Variants in UNC5B observed in about 807,000 individuals in gnomAD.
UNC5B encodes netrin receptor UNC5B.
In UNC5B, 56 loss-of-function variants were observed where a neutral mutation model predicts 103.7. The ratio of observed to expected loss-of-function variants is 0.54; its 90% CI spans 0.44 to 0.67. The LOEUF is 0.67. Ranked by LOEUF, UNC5B falls within the 30% of genes least tolerant of loss-of-function variation. The pLI is 0.00. For missense variants in UNC5B, 1,194 were observed against 1,284.5 expected (o/e 0.93, Z 1.08); for synonymous variants, 577 against 542.0 (o/e 1.06, Z -0.90).
chr10:71,222,145 T>G (rs1263625424), intron 1 of UNC5B, among the ~76,000 whole-genome samples: 2 of 152,176 alleles, frequency 1.3e-5, no homozygotes, highest in Admixed American at 6.5e-5. Flanking sequence ...GACTGGCCCT[T>G]GAAAGATGAG....
chr10:71,236,872 A>G (rs961409910), intron 1 of UNC5B, among the ~76,000 whole-genome samples: 1 of 152,242 alleles, frequency 6.6e-6, no homozygotes, highest in Non-Finnish European at 1.5e-5. Context: ...AAGGGGACCC[A>G]GAACCTACCC....
At chr10:71,286,103 C>T (rs1845072354) in intron 4 of UNC5B, among the ~76,000 whole-genome samples, 1 of 152,218 alleles carries the variant, frequency 6.6e-6, no homozygotes, top group South Asian at 2.1e-4. Flanking sequence ...GCACTTAGCA[C>T]GCTGGTCTCT....
intron 1 of UNC5B, among the ~76,000 whole-genome samples, chr10:71,250,713 C>G (rs1481409417): frequency 6.6e-6 from 1 of 152,216 alleles, no homozygotes; most frequent in East Asian, 1.9e-4. Context: ...GGGCTAAATT[C>G]TAAAGTATTG....
chr10:71,288,754 GC>G, intron 7 of UNC5B, 22 bp downstream of exon 7: 1 of 1,590,076 alleles, frequency 6.3e-7, no homozygotes, highest in East Asian at 2.3e-5. Flanking sequence ...GGAAGGTGGG[GC>G]CCTGGGGGTG....
At chr10:71,231,056 G>T (rs79416409) in intron 1 of UNC5B, among the ~76,000 whole-genome samples, 5,378 of 152,328 alleles carry the variant, frequency 0.035, 161 homozygotes, top group East Asian at 0.13. Context: ...CTCTCTCTGA[G>T]CCTCAGTTTC....
intron 1 of UNC5B, among the ~76,000 whole-genome samples, chr10:71,229,247 G>C (rs1843633555): frequency 6.6e-6 from 1 of 152,210 alleles, no homozygotes; most frequent in South Asian, 2.1e-4. Context: ...GTGGGTGTTT[G>C]TGGGTGCATG....
chr10:71,295,187 T>A (rs945343642), intron 13 of UNC5B, among the ~76,000 whole-genome samples: 8 of 152,336 alleles, frequency 5.3e-5, no homozygotes, highest in Admixed American at 3.9e-4. Flanking sequence ...AGTGGCCCTG[T>A]GATGGGTGCA....
chr10:71,288,842 CAG>C (rs1845164814), intron 7 of UNC5B, 110 bp downstream of exon 7: 1 of 1,560,332 alleles, frequency 6.4e-7, no homozygotes, highest in African/African-American at 1.4e-5. Context: ...CGGCAGTCCT[CAG>C]GGCCTCTGTC....
chr10:71,242,002 C>T (rs1843912799), intron 1 of UNC5B, among the ~76,000 whole-genome samples: 1 of 152,126 alleles, frequency 6.6e-6, no homozygotes, highest in Non-Finnish European at 1.5e-5. Flanking sequence ...CAGTGAGATG[C>T]CCACACACGA....
chr10:71,270,103 A>G (rs1490585094), intron 1 of UNC5B, among the ~76,000 whole-genome samples: 1 of 152,080 alleles, frequency 6.6e-6, no homozygotes, highest in Non-Finnish European at 1.5e-5. Flanking sequence ...TAATCCCAGC[A>G]CTTTGGGAAG....
At chr10:71,233,674 A>G (rs1843723814) in intron 1 of UNC5B, among the ~76,000 whole-genome samples, 1 of 152,188 alleles carries the variant, frequency 6.6e-6, no homozygotes, top group Non-Finnish European at 1.5e-5. Context: ...ACCCCTACAG[A>G]TGGCAGCTGG....
In UNC5B at chr10:71,213,000, C is replaced by A; in HGVS notation, c.15C>A (p.Ser5Arg). The A allele has an allele frequency of 7.1e-7, 1 of 1,405,780 alleles. No individual in the cohort carries two copies. Among genetic ancestry groups the A allele is most frequent in the Non-Finnish European group, 9.3e-7 (1 of 1,073,994 alleles). 87.1% of individuals were successfully genotyped at this position (1,405,780 alleles called of 1,614,324 possible). The change falls in exon 1 of 17, where the codon AGC (serine) becomes AGA (arginine). Residue 5 changes from serine (S) to arginine (R), a missense_variant. Transcript: ENST00000335350. MGAR[S>R]GARGALLLAL... ...GCCGCGGGAGCATGGGGGCCCGGAG[C>A]GGAGCTCGGGGCGCGCTGCTGCTGG...
chr10:71,255,140 G>A (rs1844261706), intron 1 of UNC5B, among the ~76,000 whole-genome samples: 2 of 152,230 alleles, frequency 1.3e-5, no homozygotes, highest in Middle Eastern at 3.4e-3. Context: ...ATTAATACCC[G>A]AGAAGAACCC....
At position 71,300,029 on chromosome 10, in the gene UNC5B, CTG is replaced by C. The variant is rs10681577; in HGVS notation, c.*784_*785del. The C allele has an allele frequency of 0.13, 19,445 of 146,358 alleles. 1,263 individuals are homozygous for C. Among genetic ancestry groups the C allele is most frequent in the Middle Eastern group, 0.21 (61 of 288 alleles). The allele number at this position is 146,358 out of a possible 1,614,324, so 9.1% of individuals were successfully genotyped here. A position where few individuals can be genotyped will look rare whatever the true frequency, so the allele number is the denominator to read the frequency against. ...CACTTCTGGCCAGGAGTGAATGTGC[CTG>C]TGTGTGTGTGTGTGTGTGTGTGTGT... On this transcript the variant is annotated 3_prime_UTR_variant, in exon 17 of 17. Transcript: ENST00000335350.
At chr10:71,283,559 G>C (rs1199128225) in intron 2 of UNC5B, among the ~76,000 whole-genome samples, 1 of 152,172 alleles carries the variant, frequency 6.6e-6, no homozygotes, top group Non-Finnish European at 1.5e-5. Context: ...GAGAGGATGA[G>C]ATAGGACACA....
In UNC5B at chr10:71,227,072, C is replaced by T. The variant is rs186965736; in HGVS notation, c.79+14008C>T. Among the ~76,000 whole-genome samples the T allele has an allele frequency of 2.7e-3, 410 of 152,006 alleles. 2 individuals are homozygous for T. The highest frequency in any genetic ancestry group is 9.4e-3 in the African/African-American group (389 of 41,418). On this transcript the variant is annotated intron_variant, in intron 1 of 16. Transcript: ENST00000335350. Reference sequence around the variant, plus strand: ...CAAAATTGGCTCACTACAACCTCCGCCTCCTGGGTTCAAGCAATTCTCCTG... The same window carrying T: ...CAAAATTGGCTCACTACAACCTCCGTCTCCTGGGTTCAAGCAATTCTCCTG...
Position 71,287,627 on chromosome 10 carries a change from T to C in UNC5B, c.763T>C (p.Trp255Arg). 6.2e-7 allele frequency: 1 copy of C among 1,606,766 alleles called. No homozygotes were observed. The highest frequency in any genetic ancestry group is 1.1e-5 in the South Asian group (1 of 90,424). The change falls in exon 6 of 17, where the codon TGG becomes CGG. Residue 255 changes from tryptophan (W) to arginine (R), a missense_variant. By Grantham distance (101) the Trp-to-Arg change is moderately radical. Transcript: ENST00000335350. ...VNGGWSSWAE[W>R]SPCSNRCGRG... is the part of the protein sequence containing the mutation. ...TGGCGGCTGGTCCAGCTGGGCAGAG[T>C]GGTCACCCTGCTCCAACCGCTGTGG...
rs1381563359 is a variant in UNC5B at position 71,227,613 on chromosome 10, TATATATAC to T, written c.79+14565_79+14572del. Among the ~76,000 whole-genome samples the T allele has an allele frequency of 2.0e-4, 29 of 143,704 alleles. 1 individual carries two copies. Among genetic ancestry groups the T allele is most frequent in the Non-Finnish European group, 3.0e-4 (20 of 66,186 alleles). The allele number at this position is 143,704 out of a possible 152,430, so 94.3% of individuals were successfully genotyped here. ...AATTTTGTATACATACATATATACA[TATATATAC>T]ATATATACATATATATACACATATA... On this transcript the variant is annotated intron_variant, in intron 1 of 16. Transcript: ENST00000335350.
intron 1 of UNC5B, among the ~76,000 whole-genome samples, chr10:71,242,775 G>A (rs931766378): frequency 2.6e-5 from 4 of 152,334 alleles, no homozygotes; most frequent in East Asian, 1.9e-4. Flanking sequence ...TCACACACAC[G>A]TGTTGGAGGT....
Sources: gnomAD v4.1 joint callset for allele counts (sites outside exome capture counted in the v4.1 genomes callset) on GRCh38, gnomAD v4.1.1 for gene constraint, MANE v1.5 for transcripts, NCBI Gene and HGNC (gene_info 2026-07-23, HGNC 2026-07-21) for gene names.